Variants in MPP2 observed in about 807,000 individuals in gnomAD.
The protein encoded by MPP2 is MAGUK p55 scaffold protein 2, also known as MAGUK p55 subfamily member 2.
A neutral mutation model predicts 58.5 loss-of-function variants in MPP2; 42 were observed. The ratio of observed to expected loss-of-function variants is 0.72; its 90% CI spans 0.56 to 0.93. The LOEUF is 0.93. Among genes scored for constraint, MPP2 ranks in the 40% least tolerant of loss-of-function variants. MPP2 has a pLI of 0.00. For missense variants in MPP2, 632 were observed against 760.4 expected, an observed-to-expected ratio of 0.83 and a Z score of 1.99; for synonymous variants, 300 against 307.8, an observed-to-expected ratio of 0.97 and a Z score of 0.26.
intron 1 of MPP2, 108 bp downstream of exon 1, chr17:43,907,366 G>T: frequency 1.0e-6 from 1 of 985,662 alleles, no homozygotes; most frequent in Non-Finnish European, 1.2e-6. Context: ...GGTGAAAGGG[G>T]CCTGTGGAGT....
At chr17:43,908,870 C>G (rs977256052), upstream of MPP2, among the ~76,000 whole-genome samples, 2 of 152,224 alleles carry the variant, frequency 1.3e-5, no homozygotes, top group African/African-American at 4.8e-5. Context: ...GAAAAAGCCA[C>G]AGAGGCGGCC....
Position 43,882,352 on chromosome 17 carries a change from G to A in MPP2, c.613C>T (p.Arg205Cys), listed in dbSNP as rs544561497. 5.6e-6 allele frequency: 9 copies of A among 1,612,346 alleles called. No homozygotes were observed. The highest frequency in any genetic ancestry group is 2.7e-5 in the African/African-American group (2 of 75,036). Residue 205 changes from arginine (R) to cysteine (C), a missense_variant, in exon 6 of 13, where the codon CGC (arginine) becomes TGC (cysteine). Transcript: ENST00000269095. ...SDPRALQELL[R>C]NASGSVILKI... is the part of the protein sequence containing the mutation. ...AGGATGACACTGCCACTGGCATTGC[G>A]CAGGAGCTCCTGCAGTGCGCGGGGG...
chr17:43,898,985 C>A (rs1246275876), intron 2 of MPP2, among the ~76,000 whole-genome samples: 1 of 151,092 alleles, frequency 6.6e-6, no homozygotes, highest in Non-Finnish European at 1.5e-5. Context: ...GTGGCTCACG[C>A]CTGTAATCCC....
At chr17:43,907,160 G>A (rs1333904010) in intron 1 of MPP2, 1 of 985,034 alleles carries the variant, frequency 1.0e-6, no homozygotes, top group Non-Finnish European at 1.2e-6. Flanking sequence ...CCCCCAACCC[G>A]CACAGCCCCC....
Position 43,883,050 on chromosome 17 carries a change from G to A in MPP2, c.306C>T (p.Ser102=). The A allele has an allele frequency of 5.6e-6, 9 of 1,611,368 alleles. No homozygotes were observed. The highest frequency in any genetic ancestry group is 1.3e-5 in the African/African-American group (1 of 75,000). Residue 102 remains serine, a splice_region_variant and synonymous_variant, in exon 5 of 13, where the codon TCC becomes TCT. Coordinates refer to ENST00000269095, the MANE Select transcript of MPP2 (RefSeq NM_005374.5). The part of the protein sequence containing the change: ...AHILQEPHFQ[S]LLETHDSVAS... ...CCACAGAGTCGTGCGTCTCCAGGAGGGACTGGGGGGTGGTGGGAAGAGAAG... is the reference window on the plus strand; with the variant it reads ...CCACAGAGTCGTGCGTCTCCAGGAGAGACTGGGGGGTGGTGGGAAGAGAAG...
At chr17:43,885,176 CT>C (rs1264813287) in intron 3 of MPP2, among the ~76,000 whole-genome samples, 1 of 151,344 alleles carries the variant, frequency 6.6e-6, no homozygotes, top group African/African-American at 2.4e-5. Flanking sequence ...CACCTTACTC[CT>C]CTTTCTCTCC....
chr17:43,893,821 T>C (rs2047705187), intron 3 of MPP2, among the ~76,000 whole-genome samples: 1 of 152,072 alleles, frequency 6.6e-6, no homozygotes, highest in Admixed American at 6.5e-5. Flanking sequence ...GCCAAAAAGG[T>C]TGGGGACTGC....
chr17:43,884,189 TTATG>T, intron 3 of MPP2: 1 of 701,756 alleles, frequency 1.4e-6, no homozygotes. Context: ...CATTAATACA[TTATG>T]TAAGACAGTC....
rs2047114058 is a variant in MPP2, at chr17:43,881,442, G to A, written c.813+16C>T. On this transcript the variant is annotated intron_variant, in intron 7 of 12. Coordinates refer to ENST00000269095, the MANE Select transcript of MPP2 (RefSeq NM_005374.5). ...TGCACCATACCTGGAGAGATGCGGGGGTGCCCGCAGCTCACCTGCCACCAG... is the reference window on the plus strand; with the variant it reads ...TGCACCATACCTGGAGAGATGCGGGAGTGCCCGCAGCTCACCTGCCACCAG... 6.2e-7 allele frequency: 1 copy of A among 1,613,896 alleles called. No individual in the cohort carries two copies. The highest frequency in any genetic ancestry group is 8.5e-7 in the Non-Finnish European group (1 of 1,179,966).
chr17:43,883,095 C>G (rs542535861), intron 4 of MPP2, 43 bp from the exon 5 acceptor site: 5 of 1,577,436 alleles, frequency 3.2e-6, no homozygotes, highest in South Asian at 1.1e-5. Context: ...GGCAGTGTCC[C>G]GGGTCTCTTC....
chr17:43,879,290 G>C lies in MPP2; in HGVS notation c.1467C>G (p.Ser489=), dbSNP rs2046989973. 2.5e-6 allele frequency: 4 copies of C among 1,613,046 alleles called. No homozygotes were observed. The highest frequency in any genetic ancestry group is 3.4e-6 in the Non-Finnish European group (4 of 1,179,110). The change falls in exon 12 of 13, where the codon TCC becomes TCG. Residue 489 remains serine (S), a synonymous_variant. Coordinates refer to ENST00000269095, the MANE Select transcript of MPP2 (RefSeq NM_005374.5). This position sits in a 1 kb window ranked among gnomAD's most constrained non-coding sequence, Gnocchi z 4.1. ...GAGCCCTCACCGTGAGCTGCTTGGT[G>C]GATATTCCACTCTCCAGCGCAGCCC... ...MNRAALESGI[S]TKQLTEADLR...
chr17:43,886,067 C>T (rs995868420), intron 3 of MPP2, among the ~76,000 whole-genome samples: 1 of 151,250 alleles, frequency 6.6e-6, no homozygotes, highest in Non-Finnish European at 1.5e-5. Context: ...GAGATCGCGC[C>T]ACTGCCCTCC....
chr17:43,907,828 GC>G, upstream of MPP2: 2 of 985,450 alleles, frequency 2.0e-6, no homozygotes, highest in Non-Finnish European at 2.4e-6. Context: ...TGGTAAAAGT[GC>G]CTAATGAGAC....
intron 2 of MPP2, among the ~76,000 whole-genome samples, chr17:43,899,928 C>A (rs75659202): frequency 1.2e-3 from 188 of 152,328 alleles, no homozygotes; most frequent in African/African-American, 4.4e-3. Context: ...ACTCTGCCAC[C>A]ATGCCGCCCA....
chr17:43,895,404 G>A (rs979428346), intron 3 of MPP2, among the ~76,000 whole-genome samples: 4 of 152,162 alleles, frequency 2.6e-5, no homozygotes, highest in East Asian at 1.9e-4. Flanking sequence ...AAGCCACACC[G>A]TGCCGTGTGC....
chr17:43,909,621 TG>T, upstream of MPP2: 1 of 1,468,862 alleles, frequency 6.8e-7, no homozygotes. Flanking sequence ...CTGGCCCACC[TG>T]GGGAGGTGGA....
chr17:43,889,805 G>GTTTTTTT (rs869131021), intron 3 of MPP2, among the ~76,000 whole-genome samples: 762 of 37,840 alleles, frequency 0.02, 117 homozygotes, highest in African/African-American at 0.05. Flanking sequence ...GTCCAAATGC[G>GTTTTTTT]TTTTTTTTTT....
rs374802065 is a variant in MPP2 at position 43,877,876 on chromosome 17, G to A, written c.1590C>T (p.Arg530=). 7.7e-5 allele frequency: 125 copies of A among 1,614,046 alleles called. No homozygotes were observed. The highest frequency in any genetic ancestry group is 3.3e-4 in the Middle Eastern group (2 of 6,060). ...GCTTCTCCATGGCTGTCTGGAGCTC[G>A]CGGAAGGTCCTCTCCAGGTTGCTAT... ...LVNSNLERTF[R]ELQTAMEKLR... is the part of the protein sequence containing the mutation. The change falls in exon 13 of 13, where the codon CGC becomes CGT. Residue 530 remains arginine, a synonymous_variant. Transcript: ENST00000269095.
chr17:43,894,696 T>C (rs1326531006), intron 3 of MPP2, among the ~76,000 whole-genome samples: 3 of 150,758 alleles, frequency 2.0e-5, no homozygotes, highest in Non-Finnish European at 4.4e-5. Flanking sequence ...CCCAGTGCTT[T>C]GGGAGGCTGA....
Sources: allele counts gnomAD v4.1 joint callset (sites outside exome capture counted in the v4.1 genomes callset), GRCh38; gene constraint gnomAD v4.1.1; non-coding constraint Gnocchi (gnomAD v3.1); transcripts MANE v1.5; gene names NCBI Gene and HGNC (gene_info 2026-07-23, HGNC 2026-07-21).